Variants in CNTNAP2 observed in about 807,000 individuals in gnomAD.
The protein encoded by CNTNAP2 is contactin associated protein 2, also known as contactin-associated protein-like 2.
Under a neutral mutation model 155.2 loss-of-function variants are expected in CNTNAP2, and 98 were observed. The observed-to-expected ratio is 0.63, with a 90% CI of 0.54 to 0.75. The LOEUF is 0.75. Ranked by LOEUF, CNTNAP2 falls within the 30% of genes least tolerant of loss-of-function variation. CNTNAP2 has a pLI of 0.00. For missense variants in CNTNAP2, 1,727 were observed against 1,688.1 expected (o/e 1.02, Z -0.40); for synonymous variants, 651 against 631.2 (o/e 1.03, Z -0.47).
In CNTNAP2 at chr7:147,642,011, C is replaced by CGTGTGCGTGT. The variant is rs5888277; in HGVS notation, c.2098+2710_2098+2711insCGTGTGTGTG. Among the ~76,000 whole-genome samples, 57 of 149,710 alleles carry CGTGTGCGTGT rather than the reference C, an allele frequency of 3.8e-4. 1 individual carries two copies. The highest frequency in any genetic ancestry group is 3.8e-3 in the Admixed American group (57 of 14,990). On this transcript the variant is annotated intron_variant, in intron 13 of 23. Coordinates refer to ENST00000361727, the MANE Select transcript of CNTNAP2 (RefSeq NM_014141.6). ...CACTTATCATAGGTGTGTGTGTGTG[C>CGTGTGCGTGT]GTGTGTGTGTGTGTGTGTGTTTTAA...
At position 147,655,092 on chromosome 7, in the gene CNTNAP2, C is replaced by A. The variant is rs1170503635; in HGVS notation, c.2098+15786C>A. ...CCTCCCAAAGTGCTGGGATTACAGA[C>A]GTGAGCTACCATGCCTGGCCCATAT... On this transcript the variant is annotated intron_variant, in intron 13 of 23. Transcript: ENST00000361727. 4.0e-5 allele frequency among the ~76,000 whole-genome samples: 6 copies of A among 151,480 alleles called. No homozygotes were observed. The East Asian group carries it at 1.2e-3, about 30-fold the overall frequency.
At chr7:147,689,108 A>AT (rs1554422434) in intron 13 of CNTNAP2, among the ~76,000 whole-genome samples, 172 of 148,496 alleles carry the variant, frequency 1.2e-3, no homozygotes, top group African/African-American at 3.2e-3. Flanking sequence ...GTATTACAGG[A>AT]TTTTTTTTTT....
At chr7:147,974,488 G>A (rs1801391783) in intron 14 of CNTNAP2, among the ~76,000 whole-genome samples, 1 of 152,102 alleles carries the variant, frequency 6.6e-6, no homozygotes, top group African/African-American at 2.4e-5. Context: ...AGTCAGGTGT[G>A]GTGGTGGGCA....
chr7:148,277,366 T>C (rs929925041), intron 21 of CNTNAP2, among the ~76,000 whole-genome samples: 3 of 152,188 alleles, frequency 2.0e-5, no homozygotes, highest in Admixed American at 1.3e-4. Context: ...TTACTTGCTG[T>C]GCCCTCAATC....
At chr7:148,382,207 C>T (rs1264409559) in intron 21 of CNTNAP2, among the ~76,000 whole-genome samples, 8 of 152,230 alleles carry the variant, frequency 5.3e-5, no homozygotes, top group Non-Finnish European at 2.9e-5. Flanking sequence ...TGCCAATGCT[C>T]ACAGCCCCAC....
intron 1 of CNTNAP2, among the ~76,000 whole-genome samples, chr7:146,675,354 T>G (rs1255419941): frequency 6.6e-6 from 1 of 152,150 alleles, no homozygotes; most frequent in Non-Finnish European, 1.5e-5. Context: ...TGATATGTAT[T>G]TACATATTGA....
chr7:146,370,492 A>G (rs758816797), intron 1 of CNTNAP2, among the ~76,000 whole-genome samples: 30 of 152,072 alleles, frequency 2.0e-4, no homozygotes, highest in Middle Eastern at 3.4e-3. Context: ...TTCACTGTCA[A>G]AATTATTATT....
In CNTNAP2 at chr7:148,415,702, G is replaced by T. The variant is rs1392610102; in HGVS notation, c.*86G>T. 1 of 1,458,302 alleles carries T rather than the reference G, an allele frequency of 6.9e-7. No homozygotes were observed. The highest frequency in any genetic ancestry group is 1.8e-5 in the Admixed American group (1 of 55,354). The allele number at this position is 1,458,302 out of a possible 1,614,324, so 90.3% of individuals were successfully genotyped here. ...CAAAAGCACCCTGCTTCATACTCTTGAGCACATCCTTAAAATATCAGCACA... is the reference window on the plus strand; with the variant it reads ...CAAAAGCACCCTGCTTCATACTCTTTAGCACATCCTTAAAATATCAGCACA... On this transcript the variant is annotated 3_prime_UTR_variant, in exon 24 of 24. Transcript: ENST00000361727.
chr7:148,167,506 A>G (rs926657923), intron 17 of CNTNAP2, among the ~76,000 whole-genome samples: 15 of 152,314 alleles, frequency 9.8e-5, no homozygotes, highest in Admixed American at 8.5e-4. Context: ...GAGAAAAAAA[A>G]AAGTCAGACA....
chr7:147,011,285 A>G (rs778088972), intron 3 of CNTNAP2, among the ~76,000 whole-genome samples: 15 of 151,716 alleles, frequency 9.9e-5, no homozygotes, highest in Non-Finnish European at 1.8e-4. Flanking sequence ...GTGGTGACAC[A>G]TGCCTATAAT....
chr7:148,087,851 A>C (rs1803762923), intron 15 of CNTNAP2, among the ~76,000 whole-genome samples: 2 of 152,162 alleles, frequency 1.3e-5, no homozygotes, highest in Non-Finnish European at 2.9e-5. Flanking sequence ...CTAATGTCAG[A>C]GATGGAAAAT....
chr7:147,083,438 T>C (rs1344849976), intron 4 of CNTNAP2, among the ~76,000 whole-genome samples: 3 of 151,338 alleles, frequency 2.0e-5, no homozygotes, highest in Non-Finnish European at 4.4e-5. Flanking sequence ...TATATTGTAA[T>C]GTGTACATTA....
At chr7:146,736,711 A>T (rs1447841338) in intron 1 of CNTNAP2, among the ~76,000 whole-genome samples, 1 of 152,196 alleles carries the variant, frequency 6.6e-6, no homozygotes, top group Non-Finnish European at 1.5e-5. Context: ...TCTACGGATG[A>T]TGCATTACAG....
intron 1 of CNTNAP2, among the ~76,000 whole-genome samples, chr7:146,252,693 G>T (rs1388461665): frequency 6.6e-6 from 1 of 152,048 alleles, no homozygotes; most frequent in African/African-American, 2.4e-5. Context: ...GCAGAATTAG[G>T]CCAGTTATGT....
At chr7:147,761,091 A>G (rs1408249786) in intron 13 of CNTNAP2, among the ~76,000 whole-genome samples, 2 of 152,222 alleles carry the variant, frequency 1.3e-5, no homozygotes, top group African/African-American at 4.8e-5. Flanking sequence ...TTAATCATCC[A>G]GTACCAGAGA....
chr7:147,910,030 C>T (rs1800033849), intron 14 of CNTNAP2, among the ~76,000 whole-genome samples: 1 of 152,132 alleles, frequency 6.6e-6, no homozygotes, highest in African/African-American at 2.4e-5. Flanking sequence ...TAATCCATGA[C>T]CAACTTTTAT....
intron 3 of CNTNAP2, among the ~76,000 whole-genome samples, chr7:146,997,035 C>T (rs954289187): frequency 1.3e-5 from 2 of 152,084 alleles, no homozygotes; most frequent in African/African-American, 4.8e-5. Flanking sequence ...GAGGCCTCCC[C>T]AGCCACATGG....
chr7:146,696,824 C>T (rs1387172796), intron 1 of CNTNAP2, among the ~76,000 whole-genome samples: 2 of 152,174 alleles, frequency 1.3e-5, no homozygotes, highest in African/African-American at 4.8e-5. Context: ...GAATTTTCAG[C>T]TTCTTTTTAT....
intron 19 of CNTNAP2, among the ~76,000 whole-genome samples, chr7:148,220,764 T>C (rs1795734984): frequency 6.6e-6 from 1 of 151,864 alleles, no homozygotes; most frequent in Non-Finnish European, 1.5e-5. Context: ...GTAAGTAAAA[T>C]CAGAAAGTGA....
Sources: allele counts gnomAD v4.1 joint callset (sites outside exome capture counted in the v4.1 genomes callset), GRCh38; gene constraint gnomAD v4.1.1; transcripts MANE v1.5; gene names NCBI Gene and HGNC (gene_info 2026-07-23, HGNC 2026-07-21).